Variants in SRD5A3 observed in about 807,000 individuals in gnomAD.
SRD5A3 encodes the protein steroid 5 alpha-reductase 3.
A neutral mutation model predicts 34.3 loss-of-function variants in SRD5A3; 24 were observed. The ratio of observed to expected loss-of-function variants is 0.70; its 90% CI spans 0.51 to 0.99. The LOEUF is 0.99. SRD5A3 is among the 50% of genes least tolerant of loss of function. The probability of loss-of-function intolerance (pLI) is 0.00; values close to 1 mark genes in which losing one functional copy is unlikely to be tolerated. For missense variants in SRD5A3, 350 were observed against 388.2 expected, an observed-to-expected ratio of 0.90 and a Z score of 0.83; for synonymous variants, 161 against 167.3, an observed-to-expected ratio of 0.96 and a Z score of 0.29.
At chr4:55,352,297 T>C in intron 1 of SRD5A3, 1 of 800,666 alleles carries the variant, frequency 1.2e-6, no homozygotes, top group Non-Finnish European at 2.3e-6. Flanking sequence ...CTGGGATCCT[T>C]CTTTTCTTTC....
At chr4:55,369,471 G>A in intron 4 of SRD5A3, 1 of 288,392 alleles carries the variant, frequency 3.5e-6, no homozygotes, top group South Asian at 4.2e-5. Flanking sequence ...GGCTCACACT[G>A]GTAATCCCAG....
intron 1 of SRD5A3, among the ~76,000 whole-genome samples, chr4:55,355,955 C>T (rs1719439317): frequency 6.8e-6 from 1 of 146,838 alleles, no homozygotes; most frequent in Non-Finnish European, 1.5e-5. Flanking sequence ...TATTTTTTCA[C>T]TTAAATAATA....
intron 2 of SRD5A3, among the ~76,000 whole-genome samples, chr4:55,360,170 G>A (rs969640542): frequency 1.3e-4 from 19 of 151,490 alleles, no homozygotes; most frequent in East Asian, 5.8e-4. Context: ...AGCTGAGATC[G>A]GGCCACTGCA....
intron 1 of SRD5A3, among the ~76,000 whole-genome samples, chr4:55,357,856 A>T (rs1404544608): frequency 6.6e-6 from 1 of 152,194 alleles, no homozygotes; most frequent in Non-Finnish European, 1.5e-5. Flanking sequence ...ACAGGCATGC[A>T]TCACCATGCC....
chr4:55,366,535 T>C (rs1719904431), intron 3 of SRD5A3: 1 of 152,220 alleles, frequency 6.6e-6, no homozygotes, highest in South Asian at 2.1e-4. Context: ...TTGTAAACAC[T>C]AAAAGACTAT....
chr4:55,361,247 T>C (rs1373918182), intron 2 of SRD5A3, among the ~76,000 whole-genome samples: 1 of 151,932 alleles, frequency 6.6e-6, no homozygotes, highest in Non-Finnish European at 1.5e-5. Flanking sequence ...TTCAGGAGGC[T>C]GAGGTGAGCA....
At chr4:55,359,249 G>T (rs1719584717) in intron 1 of SRD5A3, 97 bp from the exon 2 acceptor site, 21 of 1,504,348 alleles carry the variant, frequency 1.4e-5, no homozygotes, top group Non-Finnish European at 1.8e-5. Flanking sequence ...GGGAATGGAG[G>T]GGTGGGGAAA....
chr4:55,353,607 G>C (rs765065113), intron 1 of SRD5A3, among the ~76,000 whole-genome samples: 20 of 152,184 alleles, frequency 1.3e-4, no homozygotes, highest in Non-Finnish European at 2.6e-4. Flanking sequence ...CTCACTCTTT[G>C]GGTCTGCACT....
intron 3 of SRD5A3, 122 bp from the exon 4 acceptor site, chr4:55,367,466 T>C (rs527777032): frequency 8.5e-7 from 1 of 1,171,248 alleles, no homozygotes; most frequent in African/African-American, 1.5e-5. Flanking sequence ...CTTGGGAAAT[T>C]ATATTAGGAT....
intron 1 of SRD5A3, among the ~76,000 whole-genome samples, chr4:55,349,547 T>A (rs1246322436): frequency 1.3e-5 from 2 of 152,232 alleles, no homozygotes; most frequent in East Asian, 1.9e-4. Context: ...TTTTTTTTTT[T>A]TAAATAAGGT....
intron 1 of SRD5A3, among the ~76,000 whole-genome samples, chr4:55,350,710 TA>T (rs1578201038): frequency 6.6e-6 from 1 of 151,968 alleles, no homozygotes; most frequent in East Asian, 1.9e-4. Flanking sequence ...AAAAAAAGCA[TA>T]AAACATATTC....
chr4:55,368,396 TTTTATTTATTTATTTATTTA>T (rs57202577), intron 4 of SRD5A3, among the ~76,000 whole-genome samples: 1 of 142,948 alleles, frequency 7.0e-6, no homozygotes, highest in African/African-American at 2.6e-5. Context: ...AATTGAATAG[TTTTATTTATTTATTTATTTA>T]TTTATTTATT....
At chr4:55,357,346 G>A (rs920909593) in intron 1 of SRD5A3, among the ~76,000 whole-genome samples, 1 of 152,240 alleles carries the variant, frequency 6.6e-6, no homozygotes, top group African/African-American at 2.4e-5. Flanking sequence ...AGTACGTAAA[G>A]TGGCTGGTCC....
At chr4:55,352,135 C>T in intron 1 of SRD5A3, 1 of 820,320 alleles carries the variant, frequency 1.2e-6, no homozygotes, top group Non-Finnish European at 2.2e-6. Context: ...ACAGACAGTC[C>T]ATCATTGACT....
chr4:55,354,581 A>AAT (rs1474635083), intron 1 of SRD5A3, among the ~76,000 whole-genome samples: 1 of 151,990 alleles, frequency 6.6e-6, no homozygotes, highest in African/African-American at 2.4e-5. Context: ...TCTCTCTCTT[A>AAT]CCTGCACTGC....
intron 1 of SRD5A3, among the ~76,000 whole-genome samples, chr4:55,350,442 A>G (rs1719146724): frequency 6.6e-6 from 1 of 152,212 alleles, no homozygotes; most frequent in Admixed American, 6.5e-5. Flanking sequence ...GTATGTCACT[A>G]TAATTGGTTT....
At chr4:55,347,520 C>T (rs1719039921) in intron 1 of SRD5A3, among the ~76,000 whole-genome samples, 1 of 152,138 alleles carries the variant, frequency 6.6e-6, no homozygotes, top group Non-Finnish European at 1.5e-5. Context: ...GTGCCAGCTA[C>T]TTGGAATGAA....
chr4:55,361,018 G>A (rs1719668423), intron 2 of SRD5A3, among the ~76,000 whole-genome samples: 1 of 152,028 alleles, frequency 6.6e-6, no homozygotes, highest in Non-Finnish European at 1.5e-5. Context: ...AAGAATTGAA[G>A]GTGAAAACTA....
intron 1 of SRD5A3, among the ~76,000 whole-genome samples, chr4:55,354,023 C>T (rs1719324046): frequency 6.6e-6 from 1 of 152,228 alleles, no homozygotes; most frequent in African/African-American, 2.4e-5. Context: ...AGCCAGAACT[C>T]AGTAAACATT....
Sources: allele counts gnomAD v4.1 joint callset (sites outside exome capture counted in the v4.1 genomes callset), GRCh38; gene constraint gnomAD v4.1.1; transcripts MANE v1.5; gene names NCBI Gene and HGNC (gene_info 2026-07-23, HGNC 2026-07-21).